KPNA4: variants seen among roughly 807,000 people sequenced by gnomAD.
The protein encoded by KPNA4 is importin subunit alpha-3.
In KPNA4, 13 loss-of-function variants were observed where a neutral mutation model predicts 71.3. That is an observed-to-expected ratio of 0.18 (90% CI 0.12 to 0.29). The LOEUF (loss-of-function observed/expected upper bound fraction) is 0.29. Among genes scored for constraint, KPNA4 ranks in the 10% least tolerant of loss-of-function variants. The pLI is 1.00. For missense variants in KPNA4, 334 were observed against 603.2 expected (o/e 0.55, Z 4.67); for synonymous variants, 189 against 195.2 (o/e 0.97, Z 0.26).
intron 13 of KPNA4, among the ~76,000 whole-genome samples, chr3:160,512,343 G>A (rs1721112109): frequency 6.6e-6 from 1 of 152,024 alleles, no homozygotes; most frequent in South Asian, 2.1e-4. Flanking sequence ...GGAACAAACA[G>A]AGTATCAAAA....
intron 1 of KPNA4, among the ~76,000 whole-genome samples, chr3:160,546,095 T>C (rs532690748): frequency 1.2e-3 from 179 of 152,310 alleles, no homozygotes; most frequent in African/African-American, 4.0e-3. Flanking sequence ...ATTTGGAAAG[T>C]TGTCAGTGTC....
intron 11 of KPNA4, among the ~76,000 whole-genome samples, chr3:160,520,986 A>T (rs1268414563): frequency 6.6e-6 from 1 of 152,250 alleles, no homozygotes; most frequent in African/African-American, 2.4e-5. Context: ...TCTAAATGCA[A>T]ATTCTTTGGG....
chr3:160,558,839 C>T (rs1722191902), intron 1 of KPNA4, among the ~76,000 whole-genome samples: 1 of 152,110 alleles, frequency 6.6e-6, no homozygotes, highest in African/African-American at 2.4e-5. Flanking sequence ...AAGGTAATGA[C>T]ATCAAGATGC....
chr3:160,554,617 G>C (rs1722101041), intron 1 of KPNA4, among the ~76,000 whole-genome samples: 1 of 152,192 alleles, frequency 6.6e-6, no homozygotes, highest in Non-Finnish European at 1.5e-5. Context: ...GAAAGACCAA[G>C]ACATGACTAG....
At chr3:160,512,689 G>A (rs1721120530) in intron 13 of KPNA4, among the ~76,000 whole-genome samples, 1 of 152,108 alleles carries the variant, frequency 6.6e-6, no homozygotes, top group Admixed American at 6.6e-5. Context: ...AAAATTAGCT[G>A]GGTGTAGTGG....
At position 160,501,286 on chromosome 3, in the gene KPNA4, AAAG is replaced by A. The variant is rs1216956923; in HGVS notation, c.*815_*817del. ...GGTAAAGTAAATAAAAACTAAAAAA[AAAG>A]AAAAGAAAAGCAAAAAAGAAAAAAA... On this transcript the variant is annotated 3_prime_UTR_variant, in exon 17 of 17. Transcript: ENST00000334256. 6.6e-6 allele frequency: 1 copy of A among 152,206 alleles called. No individual in the cohort carries two copies. The highest frequency in any genetic ancestry group is 1.5e-5 in the Non-Finnish European group (1 of 67,954). 9.4% of individuals were successfully genotyped at this position (152,206 alleles called of 1,614,324 possible). A position where few individuals can be genotyped will look rare whatever the true frequency, so the allele number is the denominator to read the frequency against.
rs377726488 is a variant in KPNA4 at position 160,515,006 on chromosome 3, T to C, written c.1032+446A>G. 94 of 519,214 alleles carry C rather than the reference T, an allele frequency of 1.8e-4. No individual in the cohort carries two copies. The East Asian group carries it at 5.0e-3, about 27-fold the overall frequency. 32.2% of individuals were successfully genotyped at this position (519,214 alleles called of 1,614,324 possible). A position where few individuals can be genotyped will look rare whatever the true frequency, so the allele number is the denominator to read the frequency against. On this transcript the variant is annotated intron_variant, in intron 12 of 16. Coordinates refer to ENST00000334256, the MANE Select transcript of KPNA4 (RefSeq NM_002268.5). The stretch of plus-strand genomic sequence containing the variant: ...TCTTGGGTTATAATCATTGGCAATG[T>C]TGTAATCAACAACCCATGTTATTTC...
chr3:160,499,185 G>A lies in KPNA4; in HGVS notation c.*2919C>T, dbSNP rs904062086. 1 of 152,094 alleles carries A rather than the reference G, an allele frequency of 6.6e-6. No homozygotes were observed. The highest frequency in any genetic ancestry group is 1.5e-5 in the Non-Finnish European group (1 of 68,008). The allele number at this position is 152,094 out of a possible 1,614,324, so 9.4% of individuals were successfully genotyped here. ...ATAGAAATGCTCCAGGTTTGGTCCA[G>A]AGCAATGTGGACCAATGGAAAGTAT... On this transcript the variant is annotated 3_prime_UTR_variant, in exon 17 of 17. Coordinates refer to ENST00000334256, the MANE Select transcript of KPNA4 (RefSeq NM_002268.5).
At chr3:160,508,727 C>T (rs996041734) in intron 14 of KPNA4, among the ~76,000 whole-genome samples, 10 of 151,558 alleles carry the variant, frequency 6.6e-5, no homozygotes, top group Non-Finnish European at 1.0e-4. Context: ...ACTATGTTGC[C>T]CAGGCTGGTC....
In KPNA4 at chr3:160,495,116, T is replaced by C. The variant is rs182383921; in HGVS notation, c.*6988A>G. 2 of 152,154 alleles carry C rather than the reference T, an allele frequency of 1.3e-5. No individual in the cohort carries two copies. The highest frequency in any genetic ancestry group is 2.9e-5 in the Non-Finnish European group (2 of 67,998). 9.4% of individuals were successfully genotyped at this position (152,154 alleles called of 1,614,324 possible). On this transcript the variant is annotated 3_prime_UTR_variant, in exon 17 of 17. Transcript: ENST00000334256. ...TGCCCTTAAGGAGCTTACAATCTAG[T>C]GGAAAGAAAGACGGAGAAACTCAGA... is the stretch of plus-strand genomic sequence containing the variant.
Position 160,565,284 on chromosome 3 carries a change from G to A in KPNA4, c.-2C>T, listed in dbSNP as rs1328103789. On this transcript the variant is annotated 5_prime_UTR_variant, in exon 1 of 17. Transcript: ENST00000334256. ...GTCCAGTTTCTCGTTGTCCGCCATG[G>A]CCGGGCCGGTGACTCCTTCCCCCGC... 1.9e-6 allele frequency: 3 copies of A among 1,598,994 alleles called. No individual in the cohort carries two copies. Among genetic ancestry groups the A allele is most frequent in the Non-Finnish European group, 2.6e-6 (3 of 1,173,066 alleles).
Position 160,565,530 on chromosome 3 carries a change from C to T in KPNA4, c.-248G>A, listed in dbSNP as rs1313811977. 7.4e-6 allele frequency: 4 copies of T among 541,774 alleles called. No homozygotes were observed. Among genetic ancestry groups the T allele is most frequent in the Middle Eastern group, 4.8e-4 (1 of 2,096 alleles). 33.6% of individuals were successfully genotyped at this position (541,774 alleles called of 1,614,324 possible). Reference sequence around the variant, plus strand: ...GTGGGGCCGGGCGGCGGCAAGGCGACGGAATGTGCTGCCGGCTGAGAGGGG... The same window carrying T: ...GTGGGGCCGGGCGGCGGCAAGGCGATGGAATGTGCTGCCGGCTGAGAGGGG... On this transcript the variant is annotated 5_prime_UTR_variant, in exon 1 of 17. Transcript: ENST00000334256.
chr3:160,553,139 G>C (rs1722074302), intron 1 of KPNA4, among the ~76,000 whole-genome samples: 1 of 152,198 alleles, frequency 6.6e-6, no homozygotes, highest in Admixed American at 6.5e-5. Flanking sequence ...AGTAAGAACG[G>C]AGGTGGACAT....
chr3:160,548,517 T>G (rs1385488849), intron 1 of KPNA4, among the ~76,000 whole-genome samples: 1 of 152,172 alleles, frequency 6.6e-6, no homozygotes, highest in Admixed American at 6.5e-5. Context: ...TGCATTTGCC[T>G]ATTCTAGGTA....
chr3:160,556,811 A>T (rs961375420), intron 1 of KPNA4, among the ~76,000 whole-genome samples: 2 of 152,248 alleles, frequency 1.3e-5, no homozygotes, highest in African/African-American at 4.8e-5. Context: ...ATTAAGAGAA[A>T]AAACGTGAAC....
intron 1 of KPNA4, among the ~76,000 whole-genome samples, chr3:160,556,690 A>G (rs957041557): frequency 2.0e-5 from 3 of 152,180 alleles, no homozygotes; most frequent in African/African-American, 7.2e-5. Context: ...TTAAAGTTTC[A>G]GATTTTGGAG....
chr3:160,531,531 G>T lies in KPNA4; in HGVS notation c.314C>A (p.Pro105Gln). The change falls in exon 6 of 17, where the codon CCA (proline) becomes CAA (glutamine). Residue 105 changes from proline (P) to glutamine (Q), a missense_variant. Pro to Gln is a moderately conservative substitution (Grantham distance 76). Coordinates refer to ENST00000334256, the MANE Select transcript of KPNA4 (RefSeq NM_002268.5). Reference protein sequence around the residue: ...ARKLLSSDRNPPIDDLIKSGI... With the variant: ...ARKLLSSDRNQPIDDLIKSGI... ...AGATTTTATTAAGTCATCAATTGGTGGATTTCGATCACTGGACAAAAGCTT... is the reference window on the plus strand; with the variant it reads ...AGATTTTATTAAGTCATCAATTGGTTGATTTCGATCACTGGACAAAAGCTT... The T allele has an allele frequency of 6.3e-7, 1 of 1,587,942 alleles. No homozygotes were observed. Among genetic ancestry groups the T allele is most frequent in the Non-Finnish European group, 8.6e-7 (1 of 1,167,286 alleles).
intron 11 of KPNA4, among the ~76,000 whole-genome samples, chr3:160,518,043 T>C (rs920001154): frequency 9.2e-5 from 14 of 152,174 alleles, no homozygotes; most frequent in Non-Finnish European, 1.9e-4. Flanking sequence ...CTGTCTAATC[T>C]AGGGTCATAA....
At chr3:160,550,485 G>A (rs555359600) in intron 1 of KPNA4, among the ~76,000 whole-genome samples, 6 of 152,012 alleles carry the variant, frequency 3.9e-5, no homozygotes, top group South Asian at 2.1e-4. Context: ...GGCTGCTCTC[G>A]AACTCCTGGG....
Sources: allele counts gnomAD v4.1 joint callset (sites outside exome capture counted in the v4.1 genomes callset), GRCh38; gene constraint gnomAD v4.1.1; transcripts MANE v1.5; gene names NCBI Gene and HGNC (gene_info 2026-07-23, HGNC 2026-07-21).